Variants in DNM3 observed in about 807,000 individuals in gnomAD.
DNM3 encodes the protein dynamin 3.
Under a neutral mutation model 101.6 loss-of-function variants are expected in DNM3, and 47 were observed. The observed-to-expected ratio is 0.46, with a 90% confidence interval of 0.37 to 0.59. The LOEUF (loss-of-function observed/expected upper bound fraction) is 0.59. Among genes scored for constraint, DNM3 ranks in the 20% least tolerant of loss-of-function variants. DNM3 has a pLI of 0.00. For missense variants in DNM3, 849 were observed against 1,085.7 expected, an observed-to-expected ratio of 0.78 and a Z score of 3.06; for synonymous variants, 385 against 387.9, an observed-to-expected ratio of 0.99 and a Z score of 0.09.
chr1:172,147,865 T>C (rs1558641877), intron 14 of DNM3, among the ~76,000 whole-genome samples: 2 of 152,120 alleles, frequency 1.3e-5, no homozygotes, highest in African/African-American at 4.8e-5. Context: ...ATGGTAACTG[T>C]TTGGCATGAT....
chr1:172,015,201 T>C (rs1018105572), intron 4 of DNM3, among the ~76,000 whole-genome samples: 3 of 152,184 alleles, frequency 2.0e-5, no homozygotes, highest in Non-Finnish European at 4.4e-5. Flanking sequence ...AAGTCAGAGG[T>C]GTCAGTCCTC....
chr1:171,961,283 C>T (rs146965868), intron 2 of DNM3, among the ~76,000 whole-genome samples: 21 of 152,050 alleles, frequency 1.4e-4, no homozygotes, highest in East Asian at 1.2e-3. Flanking sequence ...AGGTAGAGGG[C>T]GGAAGGACAT....
intron 17 of DNM3, among the ~76,000 whole-genome samples, chr1:172,347,915 C>T (rs886096646): frequency 9.2e-5 from 14 of 151,950 alleles, no homozygotes; most frequent in African/African-American, 3.4e-4. Context: ...CCAGTACATT[C>T]AATGGTATGC....
chr1:171,872,673 C>T (rs1448576814), intron 1 of DNM3, among the ~76,000 whole-genome samples: 1 of 152,136 alleles, frequency 6.6e-6, no homozygotes, highest in East Asian at 1.9e-4. Context: ...CACAGAATCA[C>T]ATTGCTTTTC....
chr1:171,875,853 C>T (rs1250522452), intron 1 of DNM3, among the ~76,000 whole-genome samples: 2 of 113,240 alleles, frequency 1.8e-5, no homozygotes, highest in African/African-American at 7.3e-5. Context: ...GTTCTGTCGC[C>T]AGGCTGGAGT....
chr1:172,328,764 C>G (rs1353175708), intron 17 of DNM3, among the ~76,000 whole-genome samples: 1 of 152,108 alleles, frequency 6.6e-6, no homozygotes, highest in Non-Finnish European at 1.5e-5. Context: ...TATAACAAAC[C>G]TGCATATCTA....
chr1:171,985,017 C>A (rs2045140195), intron 2 of DNM3, among the ~76,000 whole-genome samples: 1 of 152,286 alleles, frequency 6.6e-6, no homozygotes, highest in East Asian at 1.9e-4. Context: ...TGATTTTACA[C>A]CCTTCCGGAA....
Position 172,115,496 on chromosome 1 carries a change from GA to G in DNM3, c.1546-15677del, listed in dbSNP as rs756281253. 3.9e-5 allele frequency among the ~76,000 whole-genome samples: 6 copies of G among 152,150 alleles called. 1 individual carries two copies. The South Asian group carries it at 8.3e-4, about 21-fold the overall frequency. ...CCTCTAGTGATTTCCATCCTACTGA[GA>G]ATCAAATCTAAAGGTCTCCAATGAC... On this transcript the variant is annotated intron_variant, in intron 13 of 20. Transcript: ENST00000627582.
chr1:172,411,853 A>G lies in DNM3; in HGVS notation c.*4012A>G. ...TGAGCTCAGAGTTTAATGTAAATGA[A>G]TCTAGATGATTTTGAAGAAATGATT... On this transcript the variant is annotated 3_prime_UTR_variant, in exon 21 of 21. Transcript: ENST00000627582. 1 of 985,804 alleles carries G rather than the reference A, an allele frequency of 1.0e-6. No homozygotes were observed. 61.1% of individuals were successfully genotyped at this position (985,804 alleles called of 1,614,324 possible).
chr1:172,016,439 A>G (rs1479293961), intron 4 of DNM3, among the ~76,000 whole-genome samples: 1 of 152,100 alleles, frequency 6.6e-6, no homozygotes, highest in African/African-American at 2.4e-5. Flanking sequence ...TTGATTTTCA[A>G]ATGTTTAACT....
At chr1:171,876,055 C>A (rs2035751353) in intron 1 of DNM3, among the ~76,000 whole-genome samples, 1 of 151,892 alleles carries the variant, frequency 6.6e-6, no homozygotes, top group African/African-American at 2.4e-5. Context: ...GTGATCCGCC[C>A]CCCTCGGCCT....
intron 20 of DNM3, 21 bp downstream of exon 20, chr1:172,388,830 TGGG>T: frequency 6.5e-7 from 1 of 1,540,758 alleles, no homozygotes; most frequent in Non-Finnish European, 8.8e-7. Flanking sequence ...GAGCAGAAAT[TGGG>T]GGGGTAGTGC....
intron 10 of DNM3, among the ~76,000 whole-genome samples, chr1:172,054,940 C>A (rs1422544659): frequency 6.6e-6 from 1 of 151,938 alleles, no homozygotes; most frequent in Non-Finnish European, 1.5e-5. Context: ...GCCCAGGCAA[C>A]AACAGCGAGA....
At chr1:171,909,672 C>T (rs1230767385) in intron 1 of DNM3, among the ~76,000 whole-genome samples, 2 of 152,122 alleles carry the variant, frequency 1.3e-5, no homozygotes, top group Non-Finnish European at 2.9e-5. Flanking sequence ...CCCATGTTGT[C>T]ATATATTTTT....
intron 15 of DNM3, among the ~76,000 whole-genome samples, chr1:172,307,870 C>T (rs2064906796): frequency 2.0e-5 from 3 of 150,128 alleles, no homozygotes; most frequent in South Asian, 4.2e-4. Flanking sequence ...CAGGGCCTGT[C>T]ATAGGGTGGG....
chr1:172,050,342 C>T (rs1245826774), intron 10 of DNM3, among the ~76,000 whole-genome samples: 1 of 152,198 alleles, frequency 6.6e-6, no homozygotes, highest in Non-Finnish European at 1.5e-5. Context: ...CCAGAGGCTT[C>T]TCTTTAGGTT....
chr1:172,330,984 T>G (rs10489287), intron 17 of DNM3, among the ~76,000 whole-genome samples: 80,449 of 152,022 alleles, frequency 0.53, 21,857 homozygotes, highest in Middle Eastern at 0.68. Context: ...TCTTTTCCGT[T>G]TACTCTGCCT....
intron 4 of DNM3, among the ~76,000 whole-genome samples, chr1:172,020,716 T>C (rs2047784550): frequency 3.3e-5 from 2 of 60,974 alleles, no homozygotes; most frequent in Admixed American, 2.0e-4. Context: ...AGTGTGAGAC[T>C]CCGTCAAAAA....
At chr1:171,889,062 C>T (rs947302211) in intron 1 of DNM3, among the ~76,000 whole-genome samples, 5 of 152,174 alleles carry the variant, frequency 3.3e-5, no homozygotes, top group Non-Finnish European at 7.4e-5. Context: ...ACACTGTAGC[C>T]TCAACCTGCC....
Sources: allele counts gnomAD v4.1 joint callset (sites outside exome capture counted in the v4.1 genomes callset), GRCh38; gene constraint gnomAD v4.1.1; transcripts MANE v1.5; gene names NCBI Gene and HGNC (gene_info 2026-07-23, HGNC 2026-07-21).